Variants in CACNA2D1 observed in about 807,000 individuals in gnomAD.
The protein encoded by CACNA2D1 is calcium voltage-gated channel auxiliary subunit alpha2delta 1.
In CACNA2D1, 53 loss-of-function variants were observed where a neutral mutation model predicts 171.5. The ratio of observed to expected loss-of-function variants is 0.31; its 90% CI spans 0.25 to 0.39. CACNA2D1 has a LOEUF of 0.39. CACNA2D1 is among the 10% of genes least tolerant of loss of function. The pLI, the probability that CACNA2D1 is intolerant of heterozygous loss-of-function variation, is 1.00. For missense variants in CACNA2D1, 903 were observed against 1,299.8 expected (o/e 0.69, Z 4.69); for synonymous variants, 442 against 443.1 (o/e 1.00, Z 0.03).
chr7:81,972,717 A>G (rs1213102701), intron 25 of CACNA2D1, among the ~76,000 whole-genome samples: 1 of 151,896 alleles, frequency 6.6e-6, no homozygotes, highest in East Asian at 1.9e-4. Context: ...GCTCTGAAAT[A>G]CCCTAACAGG....
intron 7 of CACNA2D1, among the ~76,000 whole-genome samples, chr7:82,077,499 T>C (rs1028347550): frequency 6.6e-6 from 1 of 151,948 alleles, no homozygotes; most frequent in African/African-American, 2.4e-5. Flanking sequence ...GCAGACCCCT[T>C]ATTTGTGTAG....
chr7:82,131,847 C>A (rs1283654443), intron 5 of CACNA2D1, among the ~76,000 whole-genome samples: 1 of 152,058 alleles, frequency 6.6e-6, no homozygotes, highest in Non-Finnish European at 1.5e-5. Flanking sequence ...TTTGTGAACA[C>A]CTGATATATA....
intron 3 of CACNA2D1, among the ~76,000 whole-genome samples, chr7:82,236,521 T>G (rs1379296986): frequency 6.6e-6 from 1 of 152,118 alleles, no homozygotes; most frequent in East Asian, 1.9e-4. Flanking sequence ...TTCCCTGTGA[T>G]AGTGCTATTT....
At chr7:82,387,679 T>C (rs544994900) in intron 1 of CACNA2D1, among the ~76,000 whole-genome samples, 1 of 152,284 alleles carries the variant, frequency 6.6e-6, no homozygotes, top group East Asian at 1.9e-4. Flanking sequence ...ACAATAGTAA[T>C]AGTTGCTTAT....
intron 11 of CACNA2D1, among the ~76,000 whole-genome samples, chr7:82,035,217 T>C (rs1239768259): frequency 6.6e-6 from 1 of 152,076 alleles, no homozygotes; most frequent in Non-Finnish European, 1.5e-5. Context: ...TGCATATATA[T>C]GGTAATATTT....
intron 3 of CACNA2D1, among the ~76,000 whole-genome samples, chr7:82,217,352 A>ATT (rs1444059535): frequency 8.0e-6 from 1 of 124,342 alleles, no homozygotes; most frequent in Non-Finnish European, 1.7e-5. Flanking sequence ...GCCTTTTTAA[A>ATT]AAAAAAATAT....
intron 3 of CACNA2D1, among the ~76,000 whole-genome samples, chr7:82,236,416 T>C (rs1585181756): frequency 6.6e-6 from 1 of 152,186 alleles, no homozygotes; most frequent in Non-Finnish European, 1.5e-5. Context: ...TGATAGGTAC[T>C]CTAGACATGC....
chr7:82,124,709 T>C (rs527446724), intron 5 of CACNA2D1, among the ~76,000 whole-genome samples: 49 of 152,194 alleles, frequency 3.2e-4, no homozygotes, highest in Non-Finnish European at 6.2e-4. Context: ...TTTGTTTCAA[T>C]AAATCTGTGT....
chr7:82,358,829 T>C (rs1367094927), intron 1 of CACNA2D1, among the ~76,000 whole-genome samples: 1 of 152,204 alleles, frequency 6.6e-6, no homozygotes, highest in Non-Finnish European at 1.5e-5. Flanking sequence ...TTTCATGAGA[T>C]CTTCTTTTCC....
At chr7:82,102,370 A>T (rs1368612152) in intron 6 of CACNA2D1, among the ~76,000 whole-genome samples, 1 of 152,144 alleles carries the variant, frequency 6.6e-6, no homozygotes, top group South Asian at 2.1e-4. Flanking sequence ...TTATAAATAG[A>T]AGGATGACAC....
At chr7:82,016,828 G>C (rs916445597) in intron 12 of CACNA2D1, among the ~76,000 whole-genome samples, 1 of 151,936 alleles carries the variant, frequency 6.6e-6, no homozygotes, top group East Asian at 1.9e-4. Context: ...TTCTTGCATA[G>C]GTTCTTGGCT....
At chr7:82,140,967 AAAG>A (rs1191931647) in intron 4 of CACNA2D1, among the ~76,000 whole-genome samples, 1,458 of 85,992 alleles carry the variant, frequency 0.017, 38 homozygotes, top group Middle Eastern at 0.035. Context: ...AAAAAAAAAA[AAAG>A]AAAAAAAAAT....
rs1027251083 is a variant in CACNA2D1, at chr7:82,105,830, C to T, written c.526+11214G>A. Among the ~76,000 whole-genome samples, 22 of 152,234 alleles carry T rather than the reference C, an allele frequency of 1.4e-4. 1 individual carries two copies. In the South Asian group the frequency reaches 4.6e-3, roughly 32 times the overall value. Reference sequence around the variant, plus strand: ...ATAACTGGCCCCAGTGTCCATGACGCCTACATGAACATCCACACATGTTCC... The same window carrying T: ...ATAACTGGCCCCAGTGTCCATGACGTCTACATGAACATCCACACATGTTCC... On this transcript the variant is annotated intron_variant, in intron 6 of 38. Coordinates refer to ENST00000356860, the MANE Select transcript of CACNA2D1 (RefSeq NM_000722.4).
rs1799295326 is a variant in CACNA2D1, at chr7:82,007,870, A to G, written c.1363-114T>C. ...TTTTATAGTTACTTTATAAAGAGCC[A>G]CAAAAACTAGTAACTCATTTTGAAT... On this transcript the variant is annotated intron_variant, in intron 15 of 38. Transcript: ENST00000356860. 5.0e-5 allele frequency: 34 copies of G among 679,680 alleles called. 1 individual carries two copies. In the South Asian group the frequency reaches 5.6e-4, roughly 11 times the overall value. The allele number at this position is 679,680 out of a possible 1,614,324, so 42.1% of individuals were successfully genotyped here.
chr7:82,362,065 T>A lies in CACNA2D1; in HGVS notation c.96-12416A>T, dbSNP rs117063217. ...ATCTCAGATACAGGTAGGAAGCATT[T>A]AACAAGCTCCGGTGAAAAGAGAATG... On this transcript the variant is annotated intron_variant, in intron 1 of 38. Coordinates refer to ENST00000356860, the MANE Select transcript of CACNA2D1 (RefSeq NM_000722.4). Among the ~76,000 whole-genome samples the A allele has an allele frequency of 5.1e-3, 780 of 152,304 alleles. 23 individuals are homozygous for A. The East Asian group carries it at 0.081, about 16-fold the overall frequency.
chr7:82,070,323 TACTTG>T (rs760369245), intron 7 of CACNA2D1, among the ~76,000 whole-genome samples: 4 of 152,224 alleles, frequency 2.6e-5, no homozygotes, highest in African/African-American at 9.6e-5. Flanking sequence ...ACCTGGGAAA[TACTTG>T]ACATACAGGA....
chr7:82,111,292 GTA>G (rs113362103), intron 6 of CACNA2D1, among the ~76,000 whole-genome samples: 10,651 of 120,710 alleles, frequency 0.088, 528 homozygotes, highest in South Asian at 0.15. Context: ...ATATGTCTGG[GTA>G]TATATATATA....
chr7:81,993,195 T>C (rs1171998224), intron 20 of CACNA2D1, among the ~76,000 whole-genome samples: 2 of 152,182 alleles, frequency 1.3e-5, no homozygotes, highest in African/African-American at 4.8e-5. Context: ...AAAAAATGTT[T>C]ACAAATTAAT....
intron 14 of CACNA2D1, 67 bp from the exon 15 acceptor site, chr7:82,012,310 C>G: frequency 1.2e-6 from 1 of 840,232 alleles, no homozygotes; most frequent in South Asian, 1.4e-5. Flanking sequence ...ATAAAAATTA[C>G]AGAGAAAAAA....
Sources: gnomAD v4.1 joint callset for allele counts (sites outside exome capture counted in the v4.1 genomes callset) on GRCh38, gnomAD v4.1.1 for gene constraint, MANE v1.5 for transcripts, NCBI Gene and HGNC (gene_info 2026-07-23, HGNC 2026-07-21) for gene names.